Variants in ADAMTS12 observed in about 807,000 individuals in gnomAD.
The protein encoded by ADAMTS12 is A disintegrin and metalloproteinase with thrombospondin motifs 12.
A neutral mutation model predicts 167.8 loss-of-function variants in ADAMTS12; 118 were observed. That is an observed-to-expected ratio of 0.70 (90% confidence interval 0.61 to 0.82). The LOEUF (loss-of-function observed/expected upper bound fraction) is 0.82. Among genes scored for constraint, ADAMTS12 ranks in the 40% least tolerant of loss-of-function variants. The probability of loss-of-function intolerance (pLI) is 0.00; values close to 1 mark genes in which losing one functional copy is unlikely to be tolerated. For missense variants in ADAMTS12, 1,916 were observed against 1,998.8 expected, an observed-to-expected ratio of 0.96 and a Z score of 0.79; for synonymous variants, 704 against 716.9, an observed-to-expected ratio of 0.98 and a Z score of 0.29.
chr5:33,802,122 C>G (rs930293107), intron 2 of ADAMTS12, among the ~76,000 whole-genome samples: 2 of 152,184 alleles, frequency 1.3e-5, no homozygotes, highest in Non-Finnish European at 2.9e-5. Flanking sequence ...GGGCCTTCAT[C>G]ACCAGTCACT....
intron 2 of ADAMTS12, among the ~76,000 whole-genome samples, chr5:33,840,775 G>A (rs576924602): frequency 5.3e-5 from 8 of 152,302 alleles, no homozygotes; most frequent in East Asian, 3.9e-4. Context: ...AGGAATCCTC[G>A]GCCTGCAGGT....
At chr5:33,746,029 A>G (rs1205445042) in intron 3 of ADAMTS12, among the ~76,000 whole-genome samples, 1 of 152,212 alleles carries the variant, frequency 6.6e-6, no homozygotes, top group Non-Finnish European at 1.5e-5. Flanking sequence ...ACCCCTCCAA[A>G]AAACAGAAGA....
At chr5:33,737,341 C>T (rs1744410721) in intron 3 of ADAMTS12, among the ~76,000 whole-genome samples, 2 of 152,176 alleles carry the variant, frequency 1.3e-5, no homozygotes, top group South Asian at 4.2e-4. Context: ...GCTTGTGAGG[C>T]CAGATGTGTT....
chr5:33,718,850 A>G (rs1484855167), intron 3 of ADAMTS12, among the ~76,000 whole-genome samples: 1 of 152,176 alleles, frequency 6.6e-6, no homozygotes, highest in Non-Finnish European at 1.5e-5. Flanking sequence ...TATTGCATGC[A>G]CTTGCCTAGG....
rs567131825 is a variant in ADAMTS12 at position 33,641,889 on chromosome 5, G to A, written c.1639C>T (p.Arg547Cys). 22 of 1,613,712 alleles carry A rather than the reference G, an allele frequency of 1.4e-5. No individual in the cohort carries two copies. In the East Asian group the frequency reaches 1.6e-4, roughly 11 times the overall value. The part of the protein sequence containing the change: ...KPESIPGGWG[R>C]WSPWSHCSRT... The stretch of plus-strand genomic sequence containing the variant: ...GAACAGTGGGACCAGGGTGACCAGC[G>A]GCCCCAGCCTCCAGGAATGCTCTCT... The change falls in exon 11 of 24, where the codon CGC becomes TGC. Residue 547 changes from arginine (R) to cysteine (C), a missense_variant. Arg to Cys is a radical substitution (Grantham distance 180, BLOSUM62 -3). Coordinates refer to ENST00000504830, the MANE Select transcript of ADAMTS12 (RefSeq NM_030955.4).
At chr5:33,672,053 ACACT>A (rs201852946) in intron 5 of ADAMTS12, among the ~76,000 whole-genome samples, 1,883 of 150,324 alleles carry the variant, frequency 0.013, 41 homozygotes, top group African/African-American at 0.043. Flanking sequence ...ACTCACATAC[ACACT>A]CACATACATA....
chr5:33,749,845 TA>T (rs2112388051), intron 3 of ADAMTS12, among the ~76,000 whole-genome samples: 1 of 152,318 alleles, frequency 6.6e-6, no homozygotes, highest in East Asian at 1.9e-4. Context: ...CATTTGTAAT[TA>T]ACTCTGCCTC....
chr5:33,845,915 G>A (rs1158612270), intron 2 of ADAMTS12, among the ~76,000 whole-genome samples: 1 of 152,180 alleles, frequency 6.6e-6, no homozygotes, highest in Non-Finnish European at 1.5e-5. Flanking sequence ...GGAGGTGCCA[G>A]CCTCTTGTCA....
At chr5:33,812,720 T>C (rs997736226) in intron 2 of ADAMTS12, among the ~76,000 whole-genome samples, 2 of 152,236 alleles carry the variant, frequency 1.3e-5, no homozygotes, top group African/African-American at 4.8e-5. Flanking sequence ...TTTTCCATTG[T>C]TGTGCATTAT....
At chr5:33,542,018 GC>G (rs1473901224) in intron 22 of ADAMTS12, among the ~76,000 whole-genome samples, 2 of 152,194 alleles carry the variant, frequency 1.3e-5, no homozygotes, top group Non-Finnish European at 2.9e-5. Context: ...TGGGCTAAAT[GC>G]CCCAATTAAA....
At chr5:33,564,811 G>T (rs139069844) in intron 19 of ADAMTS12, among the ~76,000 whole-genome samples, 1 of 152,174 alleles carries the variant, frequency 6.6e-6, no homozygotes, top group African/African-American at 2.4e-5. Flanking sequence ...ACAAACAAAA[G>T]CATCCTCCTT....
intron 3 of ADAMTS12, among the ~76,000 whole-genome samples, chr5:33,707,344 G>A (rs915509358): frequency 6.6e-6 from 1 of 152,166 alleles, no homozygotes; most frequent in African/African-American, 2.4e-5. Flanking sequence ...TCATGGATAG[G>A]AAGAATCAGT....
chr5:33,547,461 G>A (rs940459549), intron 21 of ADAMTS12, among the ~76,000 whole-genome samples: 3 of 152,042 alleles, frequency 2.0e-5, no homozygotes, highest in Admixed American at 2.0e-4. Context: ...TGCCATGGAG[G>A]GTAGTTGAGG....
Position 33,790,283 on chromosome 5 carries a change from G to A in ADAMTS12, c.490-38735C>T, listed in dbSNP as rs556934819. Among the ~76,000 whole-genome samples, 48 of 152,202 alleles carry A rather than the reference G, an allele frequency of 3.2e-4. 1 individual carries two copies. Among genetic ancestry groups the A allele is most frequent in the African/African-American group, 1.1e-3 (47 of 41,548 alleles). On this transcript the variant is annotated intron_variant, in intron 2 of 23. Transcript: ENST00000504830. ...GAATGTCCCACATCTGGCCGGGCGCGGTGGCTCACGCCTGTAATCCCAGCA... is the reference window on the plus strand; with the variant it reads ...GAATGTCCCACATCTGGCCGGGCGCAGTGGCTCACGCCTGTAATCCCAGCA...
chr5:33,806,490 A>T (rs926161544), intron 2 of ADAMTS12, among the ~76,000 whole-genome samples: 1 of 152,246 alleles, frequency 6.6e-6, no homozygotes, highest in South Asian at 2.1e-4. Context: ...AAAAGTAGAA[A>T]CATCAGAACC....
At chr5:33,770,665 A>G (rs1745702686) in intron 2 of ADAMTS12, among the ~76,000 whole-genome samples, 1 of 151,932 alleles carries the variant, frequency 6.6e-6, no homozygotes, top group African/African-American at 2.4e-5. Flanking sequence ...TTCTGCCCTC[A>G]TCCCCCACCC....
Position 33,576,650 on chromosome 5 carries a change from C to T in ADAMTS12, c.3376G>A (p.Gly1126Ser). The T allele has an allele frequency of 6.2e-7, 1 of 1,614,202 alleles. No individual in the cohort carries two copies. Among genetic ancestry groups the T allele is most frequent in the Middle Eastern group, 1.6e-4 (1 of 6,062 alleles). Residue 1126 changes from glycine to serine, a missense_variant, in exon 19 of 24, where the codon GGT becomes AGT. Physicochemically the swap from Gly to Ser is moderately conservative, Grantham distance 56. Coordinates refer to ENST00000504830, the MANE Select transcript of ADAMTS12 (RefSeq NM_030955.4). ...EGGLVATTTS[G>S]SGLSSSRNPI... ...TTGCGGGAAGATGACAAGCCAGAAC[C>T]ACTTGTTGTTGTAGCTACAAGGCCT... is the stretch of plus-strand genomic sequence containing the variant.
intron 2 of ADAMTS12, among the ~76,000 whole-genome samples, chr5:33,840,936 T>C (rs1276127051): frequency 6.6e-6 from 1 of 152,252 alleles, no homozygotes; most frequent in African/African-American, 2.4e-5. Context: ...TTAGGTTTAG[T>C]GCAGTGCTCA....
At chr5:33,860,461 G>GA (rs1449066141) in intron 2 of ADAMTS12, among the ~76,000 whole-genome samples, 1 of 152,082 alleles carries the variant, frequency 6.6e-6, no homozygotes, top group Non-Finnish European at 1.5e-5. Context: ...CAAGATGAGA[G>GA]AAAAAAAGAA....
Sources: gnomAD v4.1 joint callset for allele counts (sites outside exome capture counted in the v4.1 genomes callset) on GRCh38, gnomAD v4.1.1 for gene constraint, MANE v1.5 for transcripts, NCBI Gene and HGNC (gene_info 2026-07-23, HGNC 2026-07-21) for gene names.